POFUT3: variants seen among roughly 807,000 people sequenced by gnomAD.
POFUT3 encodes protein O-fucosyltransferase 3.
chr8:33,436,718 C>G, the POFUT3 span: 1 of 694,520 alleles, frequency 1.4e-6, no homozygotes, highest in Non-Finnish European at 2.5e-6. Context: ...ACAGCTAGCA[C>G]AGAAATCAGC....
chr8:33,345,454 G>A, the POFUT3 span, among the ~76,000 whole-genome samples: 1 of 145,178 alleles, frequency 6.9e-6, no homozygotes, highest in African/African-American at 2.6e-5. Flanking sequence ...AGGCTGGAGT[G>A]TAATGGCACA....
the POFUT3 span, chr8:33,436,151 C>G: frequency 8.1e-7 from 1 of 1,229,280 alleles, no homozygotes; most frequent in Non-Finnish European, 1.1e-6. Context: ...CTCAACTTAG[C>G]AAGGTAAATT....
At chr8:33,321,062 T>C in the POFUT3 span, among the ~76,000 whole-genome samples, 1 of 152,032 alleles carries the variant, frequency 6.6e-6, no homozygotes, top group East Asian at 1.9e-4. Flanking sequence ...ACCTGCAAAA[T>C]ACACTCACTC....
the POFUT3 span, among the ~76,000 whole-genome samples, chr8:33,359,689 T>G: frequency 6.6e-6 from 1 of 152,200 alleles, no homozygotes; most frequent in Non-Finnish European, 1.5e-5. Flanking sequence ...TTGTTTAGTA[T>G]TATAAAAGCA....
the POFUT3 span, among the ~76,000 whole-genome samples, chr8:33,386,118 G>A: frequency 1.2e-4 from 18 of 148,320 alleles, no homozygotes; most frequent in Non-Finnish European, 1.5e-5. Context: ...GAGCCTAGGA[G>A]GCAGAGGTTG....
At chr8:33,345,471 G>C in the POFUT3 span, among the ~76,000 whole-genome samples, 1 of 147,174 alleles carries the variant, frequency 6.8e-6, no homozygotes, top group African/African-American at 2.5e-5. Context: ...CACAATCTCA[G>C]CTTATTGCAA....
At chr8:33,380,176 CTATATATATATACTATATATATATACTA>C in the POFUT3 span, among the ~76,000 whole-genome samples, 2 of 58,020 alleles carry the variant, frequency 3.4e-5, no homozygotes, top group African/African-American at 1.2e-4. Flanking sequence ...TATATATATA[CTATATATATATACTATATATATATACTA>C]TATATATATA....
the POFUT3 span, among the ~76,000 whole-genome samples, chr8:33,320,242 C>G: frequency 6.6e-6 from 1 of 151,860 alleles, no homozygotes. Flanking sequence ...GTTCACTTCT[C>G]AAAATAAATT....
At chr8:33,314,891 T>C in the POFUT3 span, among the ~76,000 whole-genome samples, 1 of 152,178 alleles carries the variant, frequency 6.6e-6, no homozygotes, top group Non-Finnish European at 1.5e-5. Context: ...GAGTTCAGTG[T>C]TCATAGGGCT....
the POFUT3 span, among the ~76,000 whole-genome samples, chr8:33,391,097 A>C: frequency 6.6e-6 from 1 of 152,232 alleles, no homozygotes; most frequent in South Asian, 2.1e-4. Flanking sequence ...AAAATACCGA[A>C]TATATATTTA....
At chr8:33,439,258 C>G in the POFUT3 span, among the ~76,000 whole-genome samples, 1 of 152,048 alleles carries the variant, frequency 6.6e-6, no homozygotes, top group East Asian at 2.0e-4. Context: ...AAAAAATTAG[C>G]CGGGCATGGT....
chr8:33,422,545 C>CAAAAAAAAAA, the POFUT3 span, among the ~76,000 whole-genome samples: 1 of 37,136 alleles, frequency 2.7e-5, no homozygotes, highest in Non-Finnish European at 5.2e-5. Flanking sequence ...AACTCTGTCT[C>CAAAAAAAAAA]AAAAAAAAAA....
chr8:33,454,535 G>A, the POFUT3 span, among the ~76,000 whole-genome samples: 1 of 152,180 alleles, frequency 6.6e-6, no homozygotes, highest in Non-Finnish European at 1.5e-5. Context: ...CATATTCACA[G>A]GTTTCAGGGA....
chr8:33,355,829 A>G, the POFUT3 span, among the ~76,000 whole-genome samples: 1 of 151,776 alleles, frequency 6.6e-6, no homozygotes, highest in Admixed American at 6.6e-5. Flanking sequence ...CCCTCCCCCA[A>G]CGCCACAACA....
At chr8:33,467,050 G>A in the POFUT3 span, among the ~76,000 whole-genome samples, 5,019 of 151,872 alleles carry the variant, frequency 0.033, 204 homozygotes, top group African/African-American at 0.099. Flanking sequence ...AGGTTGCAGT[G>A]ACCTGAGATC....
the POFUT3 span, among the ~76,000 whole-genome samples, chr8:33,374,228 A>G: frequency 6.6e-6 from 1 of 152,158 alleles, no homozygotes; most frequent in Non-Finnish European, 1.5e-5. Flanking sequence ...CTGTGGAAAA[A>G]TTGTCTCCCA....
chr8:33,368,348 T>C, the POFUT3 span, among the ~76,000 whole-genome samples: 2 of 152,206 alleles, frequency 1.3e-5, no homozygotes, highest in Non-Finnish European at 2.9e-5. Flanking sequence ...ATCTCCTTAA[T>C]TGGGCCTACT....
chr8:33,381,673 A>G, the POFUT3 span, among the ~76,000 whole-genome samples: 3,245 of 152,266 alleles, frequency 0.021, 119 homozygotes, highest in African/African-American at 0.075. Context: ...ATTTGTTACG[A>G]GTTCATCATC....
chr8:33,389,818 TATTA>T, the POFUT3 span: 1 of 1,459,402 alleles, frequency 6.9e-7, no homozygotes, highest in African/African-American at 1.4e-5. Flanking sequence ...GAAAATGAGA[TATTA>T]ATTAGTATTT....
Sources: gnomAD v4.1 joint callset for allele counts (sites outside exome capture counted in the v4.1 genomes callset) on GRCh38, gnomAD v4.1.1 for gene constraint, MANE v1.5 for transcripts, NCBI Gene and HGNC (gene_info 2026-07-23, HGNC 2026-07-21) for gene names.